The following FGF13 variants were observed in gnomAD, a reference collection of about 807,000 sequenced individuals.
FGF13 encodes the protein fibroblast growth factor 13, also known as fibroblast growth factor homologous factor 2.
In FGF13, 2 loss-of-function variants were observed where a neutral mutation model predicts 19.5. The ratio of observed to expected loss-of-function variants is 0.10; its 90% CI spans 0.04 to 0.32. FGF13 has a LOEUF of 0.32. Ranked by LOEUF, FGF13 falls within the 10% of genes least tolerant of loss-of-function variation. The pLI is 1.00. For missense variants in FGF13, 113 were observed against 192.7 expected, an observed-to-expected ratio of 0.59 and a Z score of 2.45; for synonymous variants, 72 against 76.9, an observed-to-expected ratio of 0.94 and a Z score of 0.33.
chrX:138,766,291 G>A (rs1012079113), intron 3 of FGF13, among the ~76,000 whole-genome samples: 1 of 112,280 alleles, frequency 8.9e-6, no homozygotes, highest in East Asian at 2.8e-4. Context: ...AATGCTTGTT[G>A]TATAAATGAA....
intron 1 of FGF13, among the ~76,000 whole-genome samples, chrX:139,076,544 G>A (rs941304789): frequency 2.7e-5 from 3 of 112,024 alleles, no homozygotes; most frequent in Non-Finnish European, 3.8e-5. Context: ...AGTGGGTGGT[G>A]TCTTTTTAAT....
At chrX:138,899,618 G>A (rs1236737139) in intron 1 of FGF13, among the ~76,000 whole-genome samples, 1 of 111,080 alleles carries the variant, frequency 9.0e-6, no homozygotes. Flanking sequence ...TCTCAAACCA[G>A]GAAGCTGCCA....
chrX:138,949,811 C>G (rs1214375577), intron 1 of FGF13, among the ~76,000 whole-genome samples: 1 of 111,623 alleles, frequency 9.0e-6, no homozygotes, highest in Non-Finnish European at 1.9e-5. Flanking sequence ...GGTATATAAT[C>G]AGGTTGAGAC....
intron 3 of FGF13, among the ~76,000 whole-genome samples, chrX:138,779,029 C>T (rs994288271): frequency 8.0e-5 from 9 of 112,417 alleles, no homozygotes; most frequent in Middle Eastern, 4.6e-3. Context: ...AGCAGCCTAA[C>T]TGGGAGGCAC....
intron 1 of FGF13, among the ~76,000 whole-genome samples, chrX:139,012,707 T>A (rs1370012226): frequency 1.8e-5 from 2 of 111,700 alleles, no homozygotes; most frequent in Non-Finnish European, 3.8e-5. Flanking sequence ...TCAAGATGGA[T>A]CAAAAACTTA....
At chrX:139,098,649 A>T (rs1267807862) in intron 1 of FGF13, among the ~76,000 whole-genome samples, 2 of 111,768 alleles carry the variant, frequency 1.8e-5, no homozygotes, top group African/African-American at 3.3e-5. Context: ...CCAATACTGC[A>T]TGTTGTCACT....
chrX:138,637,408 A>T (rs2089196563), intron 3 of FGF13, among the ~76,000 whole-genome samples: 1 of 112,381 alleles, frequency 8.9e-6, no homozygotes, highest in Admixed American at 9.4e-5. Flanking sequence ...TTTTCCTTTC[A>T]TAAAGAATCA....
In FGF13 at chrX:138,804,226, A is replaced by C. The variant is rs974259054; in HGVS notation, c.217+53286T>G. ...AAGGCACTGAAGTTAAACAGCAAGC[A>C]CTCTGCTTCTGATTTATCCTCTCAA... On this transcript the variant is annotated intron_variant, in intron 3 of 6. Coordinates refer to the FGF13 transcript ENST00000436198. 3.6e-5 allele frequency among the ~76,000 whole-genome samples: 4 copies of C among 112,089 alleles called. 1 individual carries two copies. The South Asian group carries it at 1.5e-3, about 42-fold the overall frequency.
At position 138,620,280 on chromosome X, in the gene FGF13, A is replaced by G. The variant is rs1392613186; in HGVS notation, c.*12570T>C. On this transcript the variant is annotated 3_prime_UTR_variant, in exon 5 of 5. Coordinates refer to ENST00000315930, the MANE Select transcript of FGF13 (RefSeq NM_004114.5). ...GAGCTGAACATGAGAACACATGGAC[A>G]CAGGGAGGGGAACAATACACACTGG... The G allele has an allele frequency of 9.1e-6, 1 of 110,088 alleles. No individual in the cohort carries two copies. Among genetic ancestry groups the G allele is most frequent in the African/African-American group, 3.3e-5 (1 of 30,159 alleles). 9.1% of individuals were successfully genotyped at this position (110,088 alleles called of 1,213,427 possible). A position where few individuals can be genotyped will look rare whatever the true frequency, so the allele number is the denominator to read the frequency against.
At chrX:138,683,415 T>TCA (rs376513383) in intron 3 of FGF13, among the ~76,000 whole-genome samples, 2,902 of 103,375 alleles carry the variant, frequency 0.028, 89 homozygotes, top group African/African-American at 0.084. Flanking sequence ...TCTCTCTCTC[T>TCA]CACACACACA....
At position 138,619,373 on chromosome X, in the gene FGF13, A is replaced by G. The variant is rs780374136; in HGVS notation, c.*13477T>C. On this transcript the variant is annotated 3_prime_UTR_variant, in exon 5 of 5. Coordinates refer to ENST00000315930, the MANE Select transcript of FGF13 (RefSeq NM_004114.5). Reference sequence around the variant, plus strand: ...AAAGAAATAATGAAGTCAAAGCATTAGGAGAAACACTTAATATAGATGACG... The same window carrying G: ...AAAGAAATAATGAAGTCAAAGCATTGGGAGAAACACTTAATATAGATGACG... 1.4e-4 allele frequency: 16 copies of G among 112,175 alleles called. No individual in the cohort carries two copies. The East Asian group carries it at 2.0e-3, about 14-fold the overall frequency. 9.2% of individuals were successfully genotyped at this position (112,175 alleles called of 1,213,427 possible).
intron 3 of FGF13, among the ~76,000 whole-genome samples, chrX:138,668,070 G>A (rs1043516696): frequency 1.8e-5 from 2 of 111,400 alleles, no homozygotes; most frequent in Non-Finnish European, 3.8e-5. Context: ...TATATATATT[G>A]GCCTGAAGGC....
intron 3 of FGF13, among the ~76,000 whole-genome samples, chrX:138,813,212 G>C (rs1220490598): frequency 9.0e-6 from 1 of 111,470 alleles, no homozygotes; most frequent in African/African-American, 3.3e-5. Flanking sequence ...GGGTCAAATG[G>C]TATTTCTGGT....
At chrX:138,786,202 A>C (rs1017259704) in intron 3 of FGF13, among the ~76,000 whole-genome samples, 1 of 112,020 alleles carries the variant, frequency 8.9e-6, no homozygotes, top group African/African-American at 3.2e-5. Flanking sequence ...CCTTTTCTTA[A>C]GATCTTCTAG....
At chrX:138,858,512 AT>A (rs1020059111) in intron 2 of FGF13, among the ~76,000 whole-genome samples, 1 of 111,828 alleles carries the variant, frequency 8.9e-6, no homozygotes, top group Non-Finnish European at 1.9e-5. Flanking sequence ...TTCCATGAAA[AT>A]AGGTGCAAAT....
chrX:139,197,804 C>G (rs932671391), intron 1 of FGF13, among the ~76,000 whole-genome samples: 20 of 109,932 alleles, frequency 1.8e-4, no homozygotes, highest in Admixed American at 3.9e-4. Context: ...CCAGCTTGGC[C>G]AACATGGTGA....
chrX:138,739,741 C>G (rs532816973), upstream of FGF13, among the ~76,000 whole-genome samples: 51 of 111,527 alleles, frequency 4.6e-4, no homozygotes, highest in South Asian at 0.019. Flanking sequence ...TGAAATGTGT[C>G]TTTTATTTTG....
chrX:138,636,856 C>T (rs2089190622), intron 3 of FGF13, among the ~76,000 whole-genome samples: 1 of 111,640 alleles, frequency 9.0e-6, no homozygotes, highest in Non-Finnish European at 1.9e-5. Flanking sequence ...ATATTGGATA[C>T]CATTTTAAGC....
At chrX:138,730,618 CA>C (rs1443383481) in intron 1 of FGF13, among the ~76,000 whole-genome samples, 1 of 110,440 alleles carries the variant, frequency 9.1e-6, no homozygotes, top group African/African-American at 3.3e-5. Context: ...TAATGTAATA[CA>C]AAAGTTATTT....
Sources: gnomAD v4.1 joint callset for allele counts (sites outside exome capture counted in the v4.1 genomes callset) on GRCh38, gnomAD v4.1.1 for gene constraint, MANE v1.5 for transcripts, NCBI Gene and HGNC (gene_info 2026-07-23, HGNC 2026-07-21) for gene names.